Variants in AMOT observed in about 807,000 individuals in gnomAD.
AMOT encodes angiomotin.
In AMOT, 11 loss-of-function variants were observed where a neutral mutation model predicts 67.0. The observed-to-expected ratio is 0.16, with a 90% CI of 0.10 to 0.27. The LOEUF is 0.27. Among genes scored for constraint, AMOT ranks in the 10% least tolerant of loss-of-function variants. AMOT has a pLI of 1.00. For synonymous variants in AMOT, 326 were observed against 321.4 expected, an observed-to-expected ratio of 1.01 and a Z score of -0.15; for missense variants, 753 against 852.0, an observed-to-expected ratio of 0.88 and a Z score of 1.45.
At position 112,781,443 on chromosome X, in the gene AMOT, CAAA is replaced by C. The variant is rs35689399; in HGVS notation, c.2241-328_2241-326del. ...TGACAGAGCAAGACTGACTCCATCTCAAAAAAAAAAAAAAAAAAAAAAAAACCT... is the reference window on the plus strand; with the variant it reads ...TGACAGAGCAAGACTGACTCCATCTCAAAAAAAAAAAAAAAAAAAAAACCT... On this transcript the variant is annotated intron_variant, in intron 11 of 13. Coordinates refer to ENST00000371959, the MANE Select transcript of AMOT (RefSeq NM_001113490.2). Among the ~76,000 whole-genome samples, 238 of 28,958 alleles carry C rather than the reference CAAA, an allele frequency of 8.2e-3. 1 individual carries two copies. The highest frequency in any genetic ancestry group is 0.023 in the African/African-American group (218 of 9,285). The allele number at this position is 28,958 out of a possible 115,157, so 25.1% of individuals were successfully genotyped here. A position where few individuals can be genotyped will look rare whatever the true frequency, so the allele number is the denominator to read the frequency against.
chrX:112,837,387 A>T (rs1165746651), intron 1 of AMOT, among the ~76,000 whole-genome samples: 5 of 112,408 alleles, frequency 4.4e-5, no homozygotes, highest in African/African-American at 1.6e-4. Flanking sequence ...GTTAGAGTGA[A>T]TTTTTATATA....
At chrX:112,803,520 A>T in intron 8 of AMOT, among the ~76,000 whole-genome samples, 1 of 112,448 alleles carries the variant, frequency 8.9e-6, no homozygotes, top group African/African-American at 3.2e-5. Context: ...TAGTTCTAAT[A>T]TAGACAACTG....
intron 1 of AMOT, among the ~76,000 whole-genome samples, chrX:112,833,615 G>A (rs1935059397): frequency 9.0e-6 from 1 of 111,419 alleles, no homozygotes; most frequent in Admixed American, 9.5e-5. Context: ...AGAAAAAAAT[G>A]AAATCTTACC....
rs16987115 is a variant in AMOT at position 112,830,706 on chromosome X, G to A, written c.-212+1588C>T. ...CTTGCGAAATGGCAGAGTGGAATGC[G>A]GGCTCCCCTGTGAATCCAGCTTGCA... On this transcript the variant is annotated intron_variant, in intron 2 of 13. Coordinates refer to ENST00000371959, the MANE Select transcript of AMOT (RefSeq NM_001113490.2). Among the ~76,000 whole-genome samples the A allele has an allele frequency of 6.2e-3, 696 of 111,896 alleles. 9 individuals are homozygous for A. The highest frequency in any genetic ancestry group is 0.021 in the African/African-American group (652 of 30,834).
chrX:112,814,614 G>T (rs984823339), intron 5 of AMOT, among the ~76,000 whole-genome samples: 2 of 112,189 alleles, frequency 1.8e-5, no homozygotes, highest in African/African-American at 6.5e-5. Context: ...CCTCGCTTGG[G>T]GTACTCCAGA....
At chrX:112,795,213 TTC>T (rs781373630) in intron 8 of AMOT, among the ~76,000 whole-genome samples, 2 of 108,601 alleles carry the variant, frequency 1.8e-5, no homozygotes, top group South Asian at 8.2e-4. Flanking sequence ...CTCTCTTTCA[TTC>T]TCTCTCTCTT....
At chrX:112,797,048 A>G (rs941215085) in intron 8 of AMOT, among the ~76,000 whole-genome samples, 3 of 111,916 alleles carry the variant, frequency 2.7e-5, no homozygotes, top group Non-Finnish European at 5.6e-5. Flanking sequence ...TAATGTTATC[A>G]TGTTATCCTC....
chrX:112,823,011 T>C lies in AMOT; in HGVS notation c.116A>G (p.Gln39Arg). 1 of 1,167,712 alleles carries C rather than the reference T, an allele frequency of 8.6e-7. No homozygotes were observed. The highest frequency in any genetic ancestry group is 1.1e-6 in the Non-Finnish European group (1 of 873,072). ...SENRSLLAIH[Q>R]QATGNGPPFP... ...AGGAGGGCCATTCCCTGTGGCTTGCTGGTGTATGGCAAGCAGGCTGCGATT... is the reference window on the plus strand; with the variant it reads ...AGGAGGGCCATTCCCTGTGGCTTGCCGGTGTATGGCAAGCAGGCTGCGATT... The change falls in exon 4 of 14, where the codon CAG (glutamine) becomes CGG (arginine). Residue 39 changes from glutamine (Q) to arginine (R), a missense_variant. Coordinates refer to ENST00000371959, the MANE Select transcript of AMOT (RefSeq NM_001113490.2).
At chrX:112,825,516 G>A (rs1934821848) in intron 2 of AMOT, among the ~76,000 whole-genome samples, 1 of 111,401 alleles carries the variant, frequency 9.0e-6, no homozygotes, top group African/African-American at 3.3e-5. Flanking sequence ...ATTCCAAGTT[G>A]GAATGGTGGA....
intron 13 of AMOT, 152 bp downstream of exon 13, chrX:112,778,845 G>T: frequency 1.4e-6 from 1 of 715,270 alleles, no homozygotes; most frequent in Non-Finnish European, 2.1e-6. Context: ...CTTGGTGGAT[G>T]AGAAGTCATT....
At chrX:112,819,499 G>T in intron 4 of AMOT, 1 of 549,425 alleles carries the variant, frequency 1.8e-6, no homozygotes, top group Non-Finnish European at 2.2e-6. Flanking sequence ...TCAGATCTGG[G>T]CATGATTTCA....
rs1339401226 is a variant in AMOT at position 112,775,489 on chromosome X, C to G, written c.*3078G>C. Reference sequence around the variant, plus strand: ...TTTGTTCATTTTCCAATTGTTATACCCACCCAACAGTGTAACAACAAAAAG... The same window carrying G: ...TTTGTTCATTTTCCAATTGTTATACGCACCCAACAGTGTAACAACAAAAAG... On this transcript the variant is annotated 3_prime_UTR_variant, in exon 14 of 14. Transcript: ENST00000371959. 1 of 111,442 alleles carries G rather than the reference C, an allele frequency of 9.0e-6. No individual in the cohort carries two copies. The highest frequency in any genetic ancestry group is 1.9e-5 in the Non-Finnish European group (1 of 53,026). 9.2% of individuals were successfully genotyped at this position (111,442 alleles called of 1,213,427 possible). A position where few individuals can be genotyped will look rare whatever the true frequency, so the allele number is the denominator to read the frequency against.
chrX:112,823,060 G>A lies in AMOT; in HGVS notation c.67C>T (p.Leu23Phe). 1 of 1,167,759 alleles carries A rather than the reference G, an allele frequency of 8.6e-7. No individual in the cohort carries two copies. Among genetic ancestry groups the A allele is most frequent in the Non-Finnish European group, 1.1e-6 (1 of 873,042 alleles). The change falls in exon 4 of 14, where the codon CTT becomes TTT. Residue 23 changes from leucine to phenylalanine, a missense_variant. By Grantham distance (22) the Leu-to-Phe change is conservative (BLOSUM62 0). Around this residue, in one of 5 missense-constraint regions of AMOT, gnomAD observed 118 missense variants for 125.9 expected, o/e 0.94. Transcript: ENST00000371959. ...TVLQRLLQEQ[L>F]RYGNPSENRS... ...TTCTCACTAGGATTGCCATAGCGAA[G>A]CTGCTCTTGTAGCAAACGCTGCAAT...
chrX:112,815,414 G>A lies in AMOT; in HGVS notation c.1336C>T (p.Arg446Trp), dbSNP rs1401846353. 11 of 1,209,908 alleles carry A rather than the reference G, an allele frequency of 9.1e-6. No homozygotes were observed. Among genetic ancestry groups the A allele is most frequent in the South Asian group, 5.3e-5 (3 of 56,742 alleles). The change falls in exon 5 of 14, where the codon CGG becomes TGG. Residue 446 changes from arginine to tryptophan, a missense_variant. Transcript: ENST00000371959. ...CCTTCCAACTCTTGCCTCAAGTTCC[G>A]GTTCTCGTCTGAGAGGATCTCAACC... ...QMVEILSDENRNLRQELEGCY... is the reference protein window; with the variant it reads ...QMVEILSDENWNLRQELEGCY...
intron 2 of AMOT, among the ~76,000 whole-genome samples, chrX:112,829,491 A>G (rs2147829506): frequency 8.9e-6 from 1 of 111,970 alleles, no homozygotes; most frequent in African/African-American, 3.2e-5. Flanking sequence ...CAGAACTGTG[A>G]GCCCATTAAA....
intron 8 of AMOT, 21 bp from the exon 9 acceptor site, chrX:112,792,002 A>G (rs1933623674): frequency 8.3e-7 from 1 of 1,209,157 alleles, no homozygotes; most frequent in Admixed American, 2.2e-5. Context: ...ATGTTGGGTA[A>G]TTTGCAAGGT....
At position 112,815,515 on chromosome X, in the gene AMOT, C is replaced by G; in HGVS notation, c.1235G>C (p.Arg412Pro). ...ATAAGAAGCAGAGGATGGCTGAGCC[C>G]GAGGCATAGCTGAATAGGCTTCTCC... ...QPGEAYSAMP[R>P]AQPSSASYQP... The change falls in exon 5 of 14, where the codon CGG (arginine) becomes CCG (proline). Residue 412 changes from arginine to proline, a missense_variant. Transcript: ENST00000371959. The G allele has an allele frequency of 4.1e-6, 5 of 1,211,237 alleles. No individual in the cohort carries two copies. Among genetic ancestry groups the G allele is most frequent in the Non-Finnish European group, 5.6e-6 (5 of 895,459 alleles).
At chrX:112,829,131 C>T (rs1056766245) in intron 2 of AMOT, among the ~76,000 whole-genome samples, 1 of 111,562 alleles carries the variant, frequency 9.0e-6, no homozygotes, top group African/African-American at 3.3e-5. Flanking sequence ...AGCACTAGTT[C>T]AAGAAAAGGC....
intron 8 of AMOT, among the ~76,000 whole-genome samples, chrX:112,797,615 T>C (rs1183233845): frequency 9.0e-6 from 1 of 111,585 alleles, no homozygotes; most frequent in South Asian, 3.8e-4. Context: ...ACGCCGTCTC[T>C]ACTAAAAATA....
Sources: allele counts gnomAD v4.1 joint callset (sites outside exome capture counted in the v4.1 genomes callset), GRCh38; gene constraint gnomAD v4.1.1; regional missense constraint gnomAD v4.1.1; transcripts MANE v1.5; gene names NCBI Gene and HGNC (gene_info 2026-07-23, HGNC 2026-07-21).